The following ASAP2 variants were observed in gnomAD, a reference collection of about 807,000 sequenced individuals.
ASAP2 encodes ArfGAP with SH3 domain, ankyrin repeat and PH domain 2.
In ASAP2, 45 loss-of-function variants were observed where a neutral mutation model predicts 131.4. The observed-to-expected ratio is 0.34, with a 90% confidence interval of 0.27 to 0.44. ASAP2 has a LOEUF of 0.44. Ranked by LOEUF, ASAP2 falls within the 20% of genes least tolerant of loss-of-function variation. The pLI is 1.00. For missense variants in ASAP2, 1,011 were observed against 1,297.0 expected, an observed-to-expected ratio of 0.78 and a Z score of 3.39; for synonymous variants, 510 against 503.0, an observed-to-expected ratio of 1.01 and a Z score of -0.19.
intron 1 of ASAP2, among the ~76,000 whole-genome samples, chr2:9,224,971 G>A (rs1261756748): frequency 6.6e-6 from 1 of 152,178 alleles, no homozygotes; most frequent in Admixed American, 6.5e-5. Flanking sequence ...GGGCATGGGA[G>A]GGCTAGCTTG....
At chr2:9,329,233 A>G (rs1670675972) in intron 7 of ASAP2, among the ~76,000 whole-genome samples, 1 of 152,246 alleles carries the variant, frequency 6.6e-6, no homozygotes, top group African/African-American at 2.4e-5. Flanking sequence ...ACTGCATGGA[A>G]AAGCCTTAGG....
chr2:9,350,121 C>CT (rs1045153296), intron 11 of ASAP2, among the ~76,000 whole-genome samples: 8 of 152,062 alleles, frequency 5.3e-5, no homozygotes, highest in Non-Finnish European at 1.0e-4. Context: ...TAAGTATGAT[C>CT]TTTTTTTTGA....
chr2:9,302,806 C>A (rs1244653891), intron 3 of ASAP2, among the ~76,000 whole-genome samples: 2 of 152,136 alleles, frequency 1.3e-5, no homozygotes, highest in Non-Finnish European at 2.9e-5. Flanking sequence ...TGTGAGCCAC[C>A]ACGCCTGGTC....
chr2:9,318,135 A>G (rs1572438957), intron 3 of ASAP2, among the ~76,000 whole-genome samples: 1 of 152,234 alleles, frequency 6.6e-6, no homozygotes, highest in East Asian at 1.9e-4. Context: ...CAACCCCAGT[A>G]CAGTCCAGCT....
rs578033475 is a variant in ASAP2, at chr2:9,313,169, G to A, written c.346-5355G>A. Among the ~76,000 whole-genome samples, 4 of 152,302 alleles carry A rather than the reference G, an allele frequency of 2.6e-5. No individual in the cohort carries two copies. The East Asian group carries it at 7.7e-4, about 29-fold the overall frequency. On this transcript the variant is annotated intron_variant, in intron 3 of 27. Coordinates refer to ENST00000281419, the MANE Select transcript of ASAP2 (RefSeq NM_003887.3). Reference sequence around the variant, plus strand: ...CACACTCACTGCTGAAATGAACGAAGAACGAAAGCAAGCCGACCAAGTGGG... The same window carrying A: ...CACACTCACTGCTGAAATGAACGAAAAACGAAAGCAAGCCGACCAAGTGGG...
chr2:9,361,197 C>A (rs1421870701), intron 15 of ASAP2, among the ~76,000 whole-genome samples: 3 of 152,222 alleles, frequency 2.0e-5, no homozygotes, highest in African/African-American at 7.2e-5. Flanking sequence ...TTTTCAAAAT[C>A]TAATTGCTTC....
chr2:9,234,382 G>T (rs1033914826), intron 1 of ASAP2, among the ~76,000 whole-genome samples: 2 of 152,268 alleles, frequency 1.3e-5, no homozygotes, highest in Admixed American at 1.3e-4. Flanking sequence ...AGAGCCTGTC[G>T]CATGGCTGGG....
In ASAP2 at chr2:9,254,527, A is replaced by ATTTTTTTTTTTTTTTTT. The variant is rs546862626; in HGVS notation, c.127-24780_127-24764dup. Among the ~76,000 whole-genome samples the ATTTTTTTTTTTTTTTTT allele has an allele frequency of 1.8e-4, 5 of 28,014 alleles. 2 individuals are homozygous for ATTTTTTTTTTTTTTTTT. Among genetic ancestry groups the ATTTTTTTTTTTTTTTTT allele is most frequent in the African/African-American group, 6.4e-4 (5 of 7,784 alleles). 18.4% of individuals were successfully genotyped at this position (28,014 alleles called of 152,430 possible). On this transcript the variant is annotated intron_variant, in intron 1 of 27. Transcript: ENST00000281419. ...ACCACTACCCCCAGCTAATTTTTGG[A>ATTTTTTTTTTTTTTTTT]TTTTTTTTTTTTTTTTTTTTTTTTT... is the stretch of plus-strand genomic sequence containing the variant.
At chr2:9,287,530 T>C (rs894681189) in intron 2 of ASAP2, among the ~76,000 whole-genome samples, 2 of 152,210 alleles carry the variant, frequency 1.3e-5, no homozygotes, top group Admixed American at 1.3e-4. Context: ...GGGCTTTCTC[T>C]GGCTGAGGAA....
At chr2:9,305,594 G>GCT (rs1668855572) in intron 3 of ASAP2, among the ~76,000 whole-genome samples, 2 of 134,618 alleles carry the variant, frequency 1.5e-5, no homozygotes, top group African/African-American at 5.7e-5. Flanking sequence ...GATATTGGAG[G>GCT]GTCTGGAGTA....
At chr2:9,397,479 A>G (rs1363800963) in intron 24 of ASAP2, among the ~76,000 whole-genome samples, 1 of 152,052 alleles carries the variant, frequency 6.6e-6, no homozygotes, top group Non-Finnish European at 1.5e-5. Context: ...GTCAGCGCCC[A>G]GTGGAGTTCT....
At chr2:9,331,359 C>G (rs1383834311) in intron 7 of ASAP2, among the ~76,000 whole-genome samples, 1 of 152,194 alleles carries the variant, frequency 6.6e-6, no homozygotes, top group South Asian at 2.1e-4. Context: ...TCATCTCTAC[C>G]TCTTTCCTGG....
chr2:9,255,768 G>A (rs927411661), intron 1 of ASAP2, among the ~76,000 whole-genome samples: 1 of 152,156 alleles, frequency 6.6e-6, no homozygotes, highest in African/African-American at 2.4e-5. Flanking sequence ...ATTTCCAACA[G>A]TTGTTAAAAA....
intron 1 of ASAP2, among the ~76,000 whole-genome samples, chr2:9,254,236 A>AAAAAAAATATATATATAT (rs1553297024): frequency 2.1e-5 from 1 of 47,110 alleles, no homozygotes; most frequent in South Asian, 6.6e-4. Flanking sequence ...AAAAAAAAAA[A>AAAAAAAATATATATATAT]ATATATATAT....
At chr2:9,365,294 C>T (rs1370973224) in intron 15 of ASAP2, among the ~76,000 whole-genome samples, 1 of 152,146 alleles carries the variant, frequency 6.6e-6, no homozygotes, top group Non-Finnish European at 1.5e-5. Context: ...TTCAGGCCCT[C>T]CACCCTTCGG....
At chr2:9,221,622 A>G (rs186520982) in intron 1 of ASAP2, among the ~76,000 whole-genome samples, 10 of 152,262 alleles carry the variant, frequency 6.6e-5, no homozygotes, top group African/African-American at 2.2e-4. Flanking sequence ...GTATAGAAAT[A>G]TGGTTACTTT....
At chr2:9,248,949 T>G (rs1040823668) in intron 1 of ASAP2, among the ~76,000 whole-genome samples, 1 of 152,196 alleles carries the variant, frequency 6.6e-6, no homozygotes, top group Admixed American at 6.5e-5. Context: ...AGGTAATTTG[T>G]GTAAAATAAT....
intron 14 of ASAP2, 34 bp downstream of exon 14, chr2:9,356,379 AG>A (rs770749697): frequency 6.5e-7 from 1 of 1,529,398 alleles, no homozygotes; most frequent in East Asian, 2.3e-5. Flanking sequence ...CCTGGGCTCT[AG>A]GACATTTCAA....
intron 5 of ASAP2, among the ~76,000 whole-genome samples, chr2:9,320,864 C>T (rs572789044): frequency 5.3e-5 from 8 of 152,240 alleles, no homozygotes; most frequent in African/African-American, 1.4e-4. Flanking sequence ...ATGTGAACTA[C>T]GGTTTCTACA....
Sources: allele counts gnomAD v4.1 joint callset (sites outside exome capture counted in the v4.1 genomes callset), GRCh38; gene constraint gnomAD v4.1.1; transcripts MANE v1.5; gene names NCBI Gene and HGNC (gene_info 2026-07-23, HGNC 2026-07-21).